Variants in CEP128 observed in about 807,000 individuals in gnomAD.
CEP128 encodes the protein centrosomal protein 128, also known as centrosomal protein 128kDa.
A neutral mutation model predicts 156.7 loss-of-function variants in CEP128; 132 were observed. The observed-to-expected ratio is 0.84, with a 90% confidence interval of 0.73 to 0.97. The LOEUF (loss-of-function observed/expected upper bound fraction) is 0.97, where lower values mean the gene tolerates loss of function less well. Ranked by LOEUF, CEP128 falls within the 50% of genes least tolerant of loss-of-function variation. CEP128 has a pLI of 0.00. For synonymous variants in CEP128, 469 were observed against 448.9 expected, an observed-to-expected ratio of 1.04 and a Z score of -0.57; for missense variants, 1,252 against 1,281.9, an observed-to-expected ratio of 0.98 and a Z score of 0.36.
chr14:80,764,648 T>C (rs2139701592), intron 16 of CEP128, among the ~76,000 whole-genome samples: 1 of 152,282 alleles, frequency 6.6e-6, no homozygotes, highest in South Asian at 2.1e-4. Context: ...GATCAGTAAA[T>C]TCAACTACTT....
chr14:80,829,422 T>A (rs868425259), intron 13 of CEP128, among the ~76,000 whole-genome samples: 33 of 152,236 alleles, frequency 2.2e-4, no homozygotes, highest in African/African-American at 7.7e-4. Flanking sequence ...TATTTACTTA[T>A]TTTTTAGAGA....
intron 13 of CEP128, among the ~76,000 whole-genome samples, chr14:80,799,185 C>T (rs192133487): frequency 2.6e-5 from 4 of 152,218 alleles, no homozygotes; most frequent in East Asian, 1.9e-4. Flanking sequence ...ACGTTGTTGC[C>T]GGAAGTCAGG....
intron 19 of CEP128, among the ~76,000 whole-genome samples, chr14:80,679,872 C>T (rs1566852410): frequency 6.6e-6 from 1 of 152,138 alleles, no homozygotes; most frequent in Non-Finnish European, 1.5e-5. Flanking sequence ...ATGTCACCCC[C>T]GGAGGCCCAG....
At chr14:80,838,515 T>C (rs925724471) in intron 10 of CEP128, among the ~76,000 whole-genome samples, 9 of 152,134 alleles carry the variant, frequency 5.9e-5, no homozygotes, top group Non-Finnish European at 1.3e-4. Context: ...TCTAGTAAGT[T>C]TCATCTCAAC....
At chr14:80,815,461 G>T (rs1884797171) in intron 13 of CEP128, among the ~76,000 whole-genome samples, 1 of 152,198 alleles carries the variant, frequency 6.6e-6, no homozygotes. Flanking sequence ...CTGGTACACT[G>T]TTGATGGAAA....
At chr14:80,815,599 A>T (rs772059328) in intron 13 of CEP128, among the ~76,000 whole-genome samples, 1 of 152,250 alleles carries the variant, frequency 6.6e-6, no homozygotes, top group South Asian at 2.1e-4. Flanking sequence ...TGATTATATT[A>T]AAAAGACACC....
chr14:80,616,288 T>C (rs1893207533), intron 19 of CEP128, among the ~76,000 whole-genome samples: 1 of 152,204 alleles, frequency 6.6e-6, no homozygotes, highest in Admixed American at 6.5e-5. Flanking sequence ...TAATAACAGC[T>C]AAAATGTATG....
At chr14:80,954,618 G>GCCAAGTTC (rs1457957873) in intron 2 of CEP128, among the ~76,000 whole-genome samples, 1 of 151,940 alleles carries the variant, frequency 6.6e-6, no homozygotes, top group East Asian at 1.9e-4. Flanking sequence ...TCCTGTCCTA[G>GCCAAGTTC]CCAAGTTCAT....
At chr14:80,589,283 C>A (rs150144788) in intron 19 of CEP128, among the ~76,000 whole-genome samples, 1 of 152,062 alleles carries the variant, frequency 6.6e-6, no homozygotes, top group Non-Finnish European at 1.5e-5. Flanking sequence ...TATTTTAAGC[C>A]ACTAAATTTG....
intron 4 of CEP128, among the ~76,000 whole-genome samples, chr14:80,907,371 T>C (rs1354352222): frequency 3.3e-5 from 5 of 152,066 alleles, no homozygotes; most frequent in Admixed American, 6.6e-5. Flanking sequence ...CAGCCAGCTA[T>C]AAGATGCAGC....
chr14:80,778,005 A>G lies in CEP128; in HGVS notation c.2253T>C (p.Arg751=), dbSNP rs1227609752. 1.2e-6 allele frequency: 2 copies of G among 1,613,530 alleles called. No individual in the cohort carries two copies. Among genetic ancestry groups the G allele is most frequent in the South Asian group, 2.2e-5 (2 of 91,022 alleles). ...LEEKNMAKIH[R]GQLEKLKSQC... is the part of the protein sequence containing the mutation. ...GTGATTTCAACTTCTCCAGCTGACC[A>G]CGATGAATTTTAGCCATATTCTTCT... Residue 751 remains arginine, a synonymous_variant, in exon 16 of 25, where the codon CGT becomes CGC. Coordinates refer to ENST00000555265, the MANE Select transcript of CEP128 (RefSeq NM_152446.5).
intron 4 of CEP128, 122 bp from the exon 5 acceptor site, chr14:80,906,203 AG>A (rs141180198): frequency 0.054 from 36,328 of 667,672 alleles, 1,193 homozygotes; most frequent in Non-Finnish European, 0.06. Context: ...AAAAGGTATC[AG>A]AAAATTTTAA....
chr14:80,657,270 T>TA (rs943744914), intron 19 of CEP128, among the ~76,000 whole-genome samples: 1 of 151,542 alleles, frequency 6.6e-6, no homozygotes, highest in Admixed American at 6.6e-5. Flanking sequence ...AAAAAAAATT[T>TA]AAAAAAAATG....
chr14:80,899,794 T>C lies in CEP128; in HGVS notation c.572+144A>G, dbSNP rs565451430. The C allele has an allele frequency of 9.2e-4, 505 of 551,710 alleles. 10 individuals carry two copies. The South Asian group carries it at 0.013, about 14-fold the overall frequency. The allele number at this position is 551,710 out of a possible 1,614,324, so 34.2% of individuals were successfully genotyped here. A position where few individuals can be genotyped will look rare whatever the true frequency, so the allele number is the denominator to read the frequency against. ...ATGATATATTCTAAATTCAAAGGGCTGTAAACTGTTCTGTTAATAAATTTT... is the reference window on the plus strand; with the variant it reads ...ATGATATATTCTAAATTCAAAGGGCCGTAAACTGTTCTGTTAATAAATTTT... On this transcript the variant is annotated intron_variant, in intron 7 of 24. Transcript: ENST00000555265.
chr14:80,764,174 A>AT (rs1566901192), intron 16 of CEP128, among the ~76,000 whole-genome samples: 3 of 152,132 alleles, frequency 2.0e-5, no homozygotes, highest in South Asian at 4.1e-4. Context: ...AAAAATCTCT[A>AT]TAAGTTCGGT....
chr14:80,600,353 A>AG (rs2140527136), intron 19 of CEP128, among the ~76,000 whole-genome samples: 1 of 152,370 alleles, frequency 6.6e-6, no homozygotes, highest in Admixed American at 6.5e-5. Flanking sequence ...AATTCTCAAA[A>AG]GCTAGAGAAA....
intron 19 of CEP128, among the ~76,000 whole-genome samples, chr14:80,727,038 A>G (rs1347707327): frequency 6.6e-6 from 1 of 152,180 alleles, no homozygotes; most frequent in Non-Finnish European, 1.5e-5. Context: ...AAGAAATAAG[A>G]TGATTAGTCA....
intron 19 of CEP128, among the ~76,000 whole-genome samples, chr14:80,712,225 T>C (rs1050519539): frequency 9.2e-5 from 14 of 152,186 alleles, no homozygotes; most frequent in African/African-American, 3.1e-4. Context: ...ATTCATTCTC[T>C]AAAGAGTTCT....
chr14:80,605,423 C>T (rs1396572032), intron 19 of CEP128, among the ~76,000 whole-genome samples: 2 of 152,014 alleles, frequency 1.3e-5, no homozygotes, highest in African/African-American at 2.4e-5. Context: ...AATTCATTCT[C>T]GTTCACCTCG....
Sources: gnomAD v4.1 joint callset for allele counts (sites outside exome capture counted in the v4.1 genomes callset) on GRCh38, gnomAD v4.1.1 for gene constraint, MANE v1.5 for transcripts, NCBI Gene and HGNC (gene_info 2026-07-23, HGNC 2026-07-21) for gene names.